Variants in CCDC92 observed in about 807,000 individuals in gnomAD.
CCDC92 encodes the protein coiled-coil domain containing 92.
CCDC92 carries 12 observed loss-of-function variants against 24.9 expected under a neutral mutation model. The ratio of observed to expected loss-of-function variants is 0.48; its 90% confidence interval spans 0.31 to 0.78. The LOEUF is 0.78. CCDC92 is among the 30% of genes least tolerant of loss of function. The pLI is 0.05. For synonymous variants in CCDC92, 193 were observed against 196.3 expected (o/e 0.98, Z 0.14); for missense variants, 399 against 439.4 (o/e 0.91, Z 0.82).
intron 1 of CCDC92, among the ~76,000 whole-genome samples, chr12:123,969,506 G>A (rs1956474557): frequency 9.0e-6 from 1 of 110,948 alleles, no homozygotes; most frequent in Non-Finnish European, 1.7e-5. Context: ...GTCTCCATCT[G>A]TTGCCAGGCT....
intron 1 of CCDC92, among the ~76,000 whole-genome samples, chr12:123,959,018 G>A (rs949757647): frequency 2.6e-5 from 4 of 152,182 alleles, no homozygotes; most frequent in Non-Finnish European, 4.4e-5. Flanking sequence ...TACTGGATCC[G>A]CGAGCTATAG....
At chr12:123,964,205 A>T (rs572083682) in intron 1 of CCDC92, among the ~76,000 whole-genome samples, 1 of 152,344 alleles carries the variant, frequency 6.6e-6, no homozygotes, top group African/African-American at 2.4e-5. Context: ...GCAGTTTAAA[A>T]ATAAAGTTTA....
chr12:123,942,605 C>T, intron 4 of CCDC92, 139 bp downstream of exon 4: 1 of 736,502 alleles, frequency 1.4e-6, no homozygotes, highest in Non-Finnish European at 2.5e-6. Flanking sequence ...TTCTCATCTT[C>T]TCTTAGAGAG....
intron 1 of CCDC92, among the ~76,000 whole-genome samples, chr12:123,953,015 C>T (rs1956063985): frequency 6.6e-6 from 1 of 152,170 alleles, no homozygotes; most frequent in Non-Finnish European, 1.5e-5. Context: ...ATCAAACCTA[C>T]ATGATACAGT....
chr12:123,944,051 G>C (rs554683726), intron 2 of CCDC92: 19 of 529,536 alleles, frequency 3.6e-5, no homozygotes, highest in Non-Finnish European at 5.9e-5. Flanking sequence ...ATGGCATCTG[G>C]AGCCAGCCAA....
At chr12:123,942,205 G>A (rs565642886) in intron 4 of CCDC92, among the ~76,000 whole-genome samples, 1 of 152,300 alleles carries the variant, frequency 6.6e-6, no homozygotes, top group African/African-American at 2.4e-5. Context: ...GGGGTTTCCT[G>A]AGGTCCTGGA....
At chr12:123,942,873 T>C in intron 3 of CCDC92, 88 bp from the exon 4 acceptor site, 1 of 1,057,014 alleles carries the variant, frequency 9.5e-7, no homozygotes, top group African/African-American at 1.6e-5. Flanking sequence ...ATTCCCACGA[T>C]TAGCCAGCGA....
At chr12:123,952,417 G>A (rs1956049337) in intron 1 of CCDC92, among the ~76,000 whole-genome samples, 1 of 152,220 alleles carries the variant, frequency 6.6e-6, no homozygotes. Flanking sequence ...CTGAGGGACA[G>A]GAAAGCCTGC....
intron 1 of CCDC92, chr12:123,945,975 C>G (rs556565618): frequency 4.0e-5 from 7 of 172,938 alleles, no homozygotes; most frequent in Admixed American, 1.3e-4. Flanking sequence ...GGCCTTGACG[C>G]TGGCATCCCC....
chr12:123,957,460 C>G (rs1956173457), intron 1 of CCDC92, among the ~76,000 whole-genome samples: 1 of 152,178 alleles, frequency 6.6e-6, no homozygotes, highest in South Asian at 2.1e-4. Context: ...TCAGTTGGTT[C>G]TGCCTGGCTT....
chr12:123,962,931 T>C (rs1229009018), intron 1 of CCDC92: 1 of 152,252 alleles, frequency 6.6e-6, no homozygotes, highest in African/African-American at 2.4e-5. Context: ...GCAGTCGGAA[T>C]TAATGAAAGA....
chr12:123,969,945 A>G (rs1956486344), intron 1 of CCDC92: 1 of 152,220 alleles, frequency 6.6e-6, no homozygotes, highest in Non-Finnish European at 1.5e-5. Context: ...AGTTAAAGAA[A>G]GAAATACAAA....
At chr12:123,958,180 A>G (rs535919246) in intron 1 of CCDC92, among the ~76,000 whole-genome samples, 1 of 152,208 alleles carries the variant, frequency 6.6e-6, no homozygotes, top group Admixed American at 6.5e-5. Flanking sequence ...CAGCCTCCAG[A>G]GTAGCAGGGA....
chr12:123,942,826 T>C (rs774744223), intron 3 of CCDC92, 41 bp from the exon 4 acceptor site: 2 of 1,500,530 alleles, frequency 1.3e-6, no homozygotes, highest in East Asian at 2.3e-5. Flanking sequence ...TTACTGTACA[T>C]TTCAAAATCT....
intron 1 of CCDC92, among the ~76,000 whole-genome samples, chr12:123,969,460 A>ATT (rs1956470902): frequency 1.6e-5 from 2 of 124,214 alleles, no homozygotes; most frequent in African/African-American, 6.3e-5. Flanking sequence ...TCTCTTATTC[A>ATT]GTTTTTTTTT....
intron 1 of CCDC92, chr12:123,966,366 A>G (rs1202135755): frequency 6.6e-6 from 1 of 152,210 alleles, no homozygotes; most frequent in African/African-American, 2.4e-5. Flanking sequence ...TTCACCTAAA[A>G]AACTGAGTAG....
In CCDC92 at chr12:123,937,049, C is replaced by T. The variant is rs113593649; in HGVS notation, c.*9G>A. 96 of 1,613,366 alleles carry T rather than the reference C, an allele frequency of 6.0e-5. No homozygotes were observed. Among genetic ancestry groups the T allele is most frequent in the Non-Finnish European group, 7.2e-5 (85 of 1,179,896 alleles). ...TGCATGGACAGCGCGGGGTGGGGCA[C>T]GGCGGGCTTCACACAGTTCTGTCCG... On this transcript the variant is annotated 3_prime_UTR_variant, in exon 5 of 5. Transcript: ENST00000238156. This position sits in a 1 kb window ranked among gnomAD's most constrained non-coding sequence, Gnocchi z 8.4.
chr12:123,954,459 A>G (rs1956103459), intron 1 of CCDC92, among the ~76,000 whole-genome samples: 1 of 152,250 alleles, frequency 6.6e-6, no homozygotes, highest in South Asian at 2.1e-4. Flanking sequence ...ATGTGATTAG[A>G]GAGCCTGACA....
At position 123,936,083 on chromosome 12, in the gene CCDC92, A is replaced by G. The variant is rs1291419225; in HGVS notation, c.*975T>C. 1 of 152,298 alleles carries G rather than the reference A, an allele frequency of 6.6e-6. No homozygotes were observed. The highest frequency in any genetic ancestry group is 1.5e-5 in the Non-Finnish European group (1 of 68,174). 9.4% of individuals were successfully genotyped at this position (152,298 alleles called of 1,614,324 possible). ...GTGTGGGGTCAGGTAAGGACACAGA[A>G]CCTCCAGGACCAGTGGTCACTGGGC... On this transcript the variant is annotated 3_prime_UTR_variant, in exon 5 of 5. Coordinates refer to ENST00000238156, the MANE Select transcript of CCDC92 (RefSeq NM_025140.3).
Sources: allele counts gnomAD v4.1 joint callset (sites outside exome capture counted in the v4.1 genomes callset), GRCh38; gene constraint gnomAD v4.1.1; non-coding constraint Gnocchi (gnomAD v3.1); transcripts MANE v1.5; gene names NCBI Gene and HGNC (gene_info 2026-07-23, HGNC 2026-07-21).